Variants in PIK3C2G observed in about 807,000 individuals in gnomAD.
PIK3C2G encodes phosphatidylinositol 3-kinase C2 domain-containing subunit gamma.
Under a neutral mutation model 181.1 loss-of-function variants are expected in PIK3C2G, and 168 were observed. That is an observed-to-expected ratio of 0.93 (90% CI 0.82 to 1.05). PIK3C2G has a LOEUF of 1.05. PIK3C2G is among the 50% of genes least tolerant of loss of function. PIK3C2G has a pLI of 0.00. For synonymous variants in PIK3C2G, 573 were observed against 592.2 expected (o/e 0.97, Z 0.47); for missense variants, 1,869 against 1,732.8 (o/e 1.08, Z -1.40).
intron 11 of PIK3C2G, among the ~76,000 whole-genome samples, chr12:18,354,181 T>A (rs1302713912): frequency 6.6e-6 from 1 of 152,258 alleles, no homozygotes; most frequent in Non-Finnish European, 1.5e-5. Flanking sequence ...AGCCTCTCTA[T>A]ATCTGTCAGG....
At chr12:18,279,970 A>G (rs1366222060) in intron 1 of PIK3C2G, among the ~76,000 whole-genome samples, 4 of 152,046 alleles carry the variant, frequency 2.6e-5, no homozygotes, top group African/African-American at 9.7e-5. Flanking sequence ...AAAAATTTAA[A>G]TGCCAACATA....
intron 26 of PIK3C2G, 30 bp downstream of exon 26, chr12:18,546,462 C>A: frequency 8.4e-7 from 1 of 1,184,934 alleles, no homozygotes; most frequent in Non-Finnish European, 1.2e-6. Context: ...TGTGAGCATG[C>A]ATGCATGAAT....
chr12:18,310,612 A>G (rs530889315), intron 5 of PIK3C2G, among the ~76,000 whole-genome samples: 2 of 152,044 alleles, frequency 1.3e-5, no homozygotes, highest in Admixed American at 6.6e-5. Context: ...TGAGATTGCA[A>G]TAGAAAAGCT....
At chr12:18,560,477 A>C (rs903893228) in intron 26 of PIK3C2G, among the ~76,000 whole-genome samples, 2 of 152,062 alleles carry the variant, frequency 1.3e-5, no homozygotes, top group Admixed American at 1.3e-4. Context: ...ACTGAACCCA[A>C]GAAAGAATTA....
At chr12:18,371,404 C>G (rs1942051221) in intron 13 of PIK3C2G, 93 bp downstream of exon 13, 1 of 1,031,674 alleles carries the variant, frequency 9.7e-7, no homozygotes, top group East Asian at 2.7e-5. Context: ...ATGAGGAAAT[C>G]AAGACATTTT....
intron 18 of PIK3C2G, among the ~76,000 whole-genome samples, chr12:18,462,895 A>G (rs114644596): frequency 6.6e-6 from 1 of 152,066 alleles, no homozygotes; most frequent in Non-Finnish European, 1.5e-5. Flanking sequence ...ATTATCCAGC[A>G]TTGCATTCTT....
chr12:18,269,476 T>C (rs946842543), intron 1 of PIK3C2G, among the ~76,000 whole-genome samples: 8 of 152,288 alleles, frequency 5.3e-5, no homozygotes, highest in South Asian at 4.1e-4. Flanking sequence ...TCCTCACCCA[T>C]GCAAGTCTTC....
At chr12:18,568,227 C>T (rs867990119) in intron 29 of PIK3C2G, among the ~76,000 whole-genome samples, 4 of 152,060 alleles carry the variant, frequency 2.6e-5, no homozygotes, top group South Asian at 2.1e-4. Flanking sequence ...CTGCCTATCA[C>T]GGGGATCTAA....
intron 31 of PIK3C2G, among the ~76,000 whole-genome samples, chr12:18,612,010 A>C (rs183876016): frequency 2.7e-4 from 41 of 152,170 alleles, no homozygotes; most frequent in Admixed American, 1.4e-3. Context: ...AAGGAGTCTT[A>C]TATCAGTTGC....
chr12:18,726,064 T>G, the PIK3C2G span, among the ~76,000 whole-genome samples: 1 of 152,122 alleles, frequency 6.6e-6, no homozygotes, highest in African/African-American at 2.4e-5. Flanking sequence ...AAAAAGTGCC[T>G]GACTGAAGAT....
intron 24 of PIK3C2G, among the ~76,000 whole-genome samples, chr12:18,509,805 A>T (rs1942091732): frequency 6.6e-6 from 1 of 152,212 alleles, no homozygotes; most frequent in South Asian, 2.1e-4. Context: ...TTTAGCTGTG[A>T]GACTAGATAA....
intron 31 of PIK3C2G, among the ~76,000 whole-genome samples, chr12:18,621,695 G>T (rs1948872127): frequency 6.6e-6 from 1 of 151,670 alleles, no homozygotes; most frequent in South Asian, 2.1e-4. Flanking sequence ...TTACAATCAT[G>T]CAAAGTGCTA....
intron 24 of PIK3C2G, among the ~76,000 whole-genome samples, chr12:18,536,587 T>C (rs113653447): frequency 0.04 from 6,081 of 152,144 alleles, 277 homozygotes; most frequent in African/African-American, 0.11. Context: ...ACCCTCCCTA[T>C]GTGTCAGGCA....
intron 31 of PIK3C2G, among the ~76,000 whole-genome samples, chr12:18,626,236 A>ATCTT (rs1267098411): frequency 6.6e-5 from 10 of 151,926 alleles, no homozygotes; most frequent in African/African-American, 2.4e-4. Flanking sequence ...TACAAATAAT[A>ATCTT]TCTTTCGCTT....
At chr12:18,719,250 T>C in the PIK3C2G span, among the ~76,000 whole-genome samples, 1 of 152,138 alleles carries the variant, frequency 6.6e-6, no homozygotes, top group East Asian at 1.9e-4. Context: ...ATAAATTACG[T>C]TGCCACTTCA....
chr12:18,620,029 AT>A (rs1368372532), intron 31 of PIK3C2G, among the ~76,000 whole-genome samples: 1 of 151,930 alleles, frequency 6.6e-6, no homozygotes, highest in African/African-American at 2.4e-5. Flanking sequence ...CAGCCCCTTA[AT>A]TTTTTAAAAT....
chr12:18,602,982 A>G (rs1947817272), intron 30 of PIK3C2G, among the ~76,000 whole-genome samples: 2 of 152,266 alleles, frequency 1.3e-5, no homozygotes, highest in Admixed American at 6.5e-5. Context: ...ACCCACTAAA[A>G]ATCACACTAG....
chr12:18,725,426 A>G, the PIK3C2G span, among the ~76,000 whole-genome samples: 2 of 152,314 alleles, frequency 1.3e-5, no homozygotes, highest in South Asian at 4.1e-4. Flanking sequence ...GTCCCCAGCC[A>G]CACAGGTAGA....
At chr12:18,679,506 G>A in the PIK3C2G span, among the ~76,000 whole-genome samples, 1 of 151,724 alleles carries the variant, frequency 6.6e-6, no homozygotes, top group Non-Finnish European at 1.5e-5. Flanking sequence ...TTTTCCAGAT[G>A]GCCCTAGATT....
Sources: allele counts gnomAD v4.1 joint callset (sites outside exome capture counted in the v4.1 genomes callset), GRCh38; gene constraint gnomAD v4.1.1; transcripts MANE v1.5; gene names NCBI Gene and HGNC (gene_info 2026-07-23, HGNC 2026-07-21).